Variants in POU6F2 observed in about 807,000 individuals in gnomAD.
The protein encoded by POU6F2 is POU domain, class 6, transcription factor 2.
POU6F2 carries 31 observed loss-of-function variants against 71.3 expected under a neutral mutation model. The ratio of observed to expected loss-of-function variants is 0.43; its 90% CI spans 0.33 to 0.59. The LOEUF (loss-of-function observed/expected upper bound fraction) is 0.59. Ranked by LOEUF, POU6F2 falls within the 20% of genes least tolerant of loss-of-function variation. POU6F2 has a pLI of 0.04. For synonymous variants in POU6F2, 347 were observed against 355.7 expected (o/e 0.98, Z 0.27); for missense variants, 783 against 856.8 (o/e 0.91, Z 1.07).
intron 4 of POU6F2, among the ~76,000 whole-genome samples, chr7:39,326,613 C>A (rs1233540610): frequency 6.6e-6 from 1 of 152,194 alleles, no homozygotes; most frequent in African/African-American, 2.4e-5. Context: ...TTTGCTATTG[C>A]ATTAACACCT....
chr7:39,310,949 CCTTT>C (rs1244241361), intron 4 of POU6F2, among the ~76,000 whole-genome samples: 1 of 152,164 alleles, frequency 6.6e-6, no homozygotes, highest in Non-Finnish European at 1.5e-5. Context: ...AAGCCGACTT[CCTTT>C]GTTTCCAGTG....
chr7:39,126,283 G>A (rs554639324), intron 2 of POU6F2, among the ~76,000 whole-genome samples: 2 of 152,338 alleles, frequency 1.3e-5, no homozygotes, highest in East Asian at 1.9e-4. Context: ...AAAGGAAAGT[G>A]GAGGCAAACT....
intron 4 of POU6F2, among the ~76,000 whole-genome samples, chr7:39,314,428 T>C (rs1395791092): frequency 6.6e-6 from 1 of 152,180 alleles, no homozygotes; most frequent in African/African-American, 2.4e-5. Flanking sequence ...TAAAAGACCT[T>C]ATGTGAGTGA....
chr7:39,001,565 G>T (rs1307772560), intron 1 of POU6F2, among the ~76,000 whole-genome samples: 2 of 152,206 alleles, frequency 1.3e-5, no homozygotes, highest in African/African-American at 4.8e-5. Flanking sequence ...TTTAGATGAG[G>T]ATATGTGGGA....
At chr7:39,055,312 T>G (rs536983140) in intron 1 of POU6F2, among the ~76,000 whole-genome samples, 1 of 152,162 alleles carries the variant, frequency 6.6e-6, no homozygotes, top group Admixed American at 6.6e-5. Context: ...TGAGAAAAGA[T>G]GCAATGGTGG....
chr7:39,337,250 G>A (rs951109960), intron 4 of POU6F2, among the ~76,000 whole-genome samples: 2 of 152,134 alleles, frequency 1.3e-5, no homozygotes, highest in Non-Finnish European at 2.9e-5. Context: ...TTGGTTTGAT[G>A]AAATTTTGTT....
At chr7:39,251,588 A>C (rs776498173) in intron 4 of POU6F2, among the ~76,000 whole-genome samples, 1 of 152,230 alleles carries the variant, frequency 6.6e-6, no homozygotes, top group Non-Finnish European at 1.5e-5. Context: ...CTAACTGGTT[A>C]GCATAAAGAT....
chr7:39,011,588 C>T (rs1487333103), intron 1 of POU6F2, among the ~76,000 whole-genome samples: 67 of 145,560 alleles, frequency 4.6e-4, no homozygotes, highest in Non-Finnish European at 7.9e-4. Flanking sequence ...GGTGATTTTG[C>T]TCATTAGTTG....
intron 2 of POU6F2, among the ~76,000 whole-genome samples, chr7:39,187,318 T>C (rs372704313): frequency 1.7e-4 from 26 of 152,292 alleles, no homozygotes; most frequent in East Asian, 7.7e-4. Context: ...ACAGGCATCC[T>C]GATGGAGGCT....
intron 2 of POU6F2, among the ~76,000 whole-genome samples, chr7:39,187,650 G>T (rs985672842): frequency 2.0e-5 from 3 of 152,222 alleles, no homozygotes; most frequent in Admixed American, 6.5e-5. Context: ...CCAGGCAAAG[G>T]TAACTGACAG....
chr7:39,295,483 G>A (rs1246719786), intron 4 of POU6F2, among the ~76,000 whole-genome samples: 1 of 152,216 alleles, frequency 6.6e-6, no homozygotes, highest in Non-Finnish European at 1.5e-5. Context: ...TGGCGTGATG[G>A]CACATGCCTA....
intron 4 of POU6F2, among the ~76,000 whole-genome samples, chr7:39,230,566 A>G (rs1190260502): frequency 3.3e-5 from 5 of 152,212 alleles, no homozygotes; most frequent in Non-Finnish European, 7.3e-5. Context: ...TACTTGCTCA[A>G]TAAAACCAGA....
chr7:39,029,800 A>G (rs1051238925), intron 1 of POU6F2, among the ~76,000 whole-genome samples: 1 of 152,220 alleles, frequency 6.6e-6, no homozygotes, highest in African/African-American at 2.4e-5. Context: ...AAATGATCAC[A>G]TAATTGTTCA....
chr7:39,153,505 C>T (rs1792801602), intron 2 of POU6F2, among the ~76,000 whole-genome samples: 1 of 152,068 alleles, frequency 6.6e-6, no homozygotes. Flanking sequence ...CATTTATATC[C>T]AGAGATTCTA....
chr7:38,985,283 T>C (rs1788434296), intron 1 of POU6F2, among the ~76,000 whole-genome samples: 1 of 152,026 alleles, frequency 6.6e-6, no homozygotes, highest in Non-Finnish European at 1.5e-5. Context: ...CTCCAAAAGG[T>C]TGAGAGTTAG....
intron 5 of POU6F2, among the ~76,000 whole-genome samples, chr7:39,383,983 G>A (rs1014592005): frequency 9.2e-5 from 14 of 152,184 alleles, no homozygotes; most frequent in African/African-American, 2.9e-4. Flanking sequence ...TCCCCAGAAC[G>A]TTTAATTTGA....
chr7:39,438,323 C>T (rs1245961218), intron 7 of POU6F2, among the ~76,000 whole-genome samples: 1 of 152,222 alleles, frequency 6.6e-6, no homozygotes, highest in Admixed American at 6.5e-5. Context: ...ATATGTGCCA[C>T]ATTTTCTTAA....
intron 5 of POU6F2, among the ~76,000 whole-genome samples, chr7:39,390,288 T>A (rs1787040650): frequency 6.6e-6 from 1 of 152,044 alleles, no homozygotes; most frequent in South Asian, 2.1e-4. Context: ...CCCAGCTACT[T>A]GGGAGGCTGA....
At chr7:39,286,609 A>T (rs573540287) in intron 4 of POU6F2, among the ~76,000 whole-genome samples, 5 of 152,172 alleles carry the variant, frequency 3.3e-5, no homozygotes, top group Non-Finnish European at 5.9e-5. Context: ...GATTGTTAGA[A>T]AAGTTCTTTA....
Sources: allele counts gnomAD v4.1 joint callset (sites outside exome capture counted in the v4.1 genomes callset), GRCh38; gene constraint gnomAD v4.1.1; transcripts MANE v1.5; gene names NCBI Gene and HGNC (gene_info 2026-07-23, HGNC 2026-07-21).